Variants in POLK observed in about 807,000 individuals in gnomAD.
POLK encodes the protein DNA polymerase kappa, also known as polymerase (DNA directed) kappa.
In POLK, 76 loss-of-function variants were observed where a neutral mutation model predicts 94.0. The ratio of observed to expected loss-of-function variants is 0.81; its 90% CI spans 0.67 to 0.98. The LOEUF (loss-of-function observed/expected upper bound fraction) is 0.98, where lower values mean the gene tolerates loss of function less well. POLK is among the 50% of genes least tolerant of loss of function. The pLI is 0.00. For missense variants in POLK, 954 were observed against 1,010.1 expected, an observed-to-expected ratio of 0.94 and a Z score of 0.75; for synonymous variants, 349 against 325.4, an observed-to-expected ratio of 1.07 and a Z score of -0.78.
chr5:75,563,083 A>G (rs985585770), intron 3 of POLK, among the ~76,000 whole-genome samples: 3 of 152,132 alleles, frequency 2.0e-5, no homozygotes, highest in African/African-American at 7.2e-5. Context: ...TTTAGAAGGA[A>G]TGGTACCAGC....
chr5:75,559,523 GTTTTTTTTTT>G (rs775525619), intron 3 of POLK, among the ~76,000 whole-genome samples: 2 of 54,678 alleles, frequency 3.7e-5, no homozygotes, highest in African/African-American at 1.5e-4. Context: ...GTTTTGTTTT[GTTTTTTTTTT>G]TTTTTTTTTT....
At chr5:75,576,804 G>T (rs759635845) in exon 6 of POLK, 2 of 1,518,874 alleles carry the variant, frequency 1.3e-6, no homozygotes, top group Non-Finnish European at 8.8e-7. Flanking sequence ...TGCTGATTAT[G>T]ATCCCAATTT....
intron 3 of POLK, among the ~76,000 whole-genome samples, chr5:75,563,622 G>T (rs1425979690): frequency 6.6e-6 from 1 of 152,142 alleles, no homozygotes; most frequent in Non-Finnish European, 1.5e-5. Context: ...TGATTTCAAA[G>T]AACTTACTTA....
chr5:75,585,378 C>T lies in POLK; in HGVS notation c.1226+452C>T, dbSNP rs1041432194. Among the ~76,000 whole-genome samples the T allele has an allele frequency of 2.0e-5, 3 of 152,316 alleles. No homozygotes were observed. In the South Asian group the frequency reaches 6.2e-4, roughly 32 times the overall value. Reference sequence around the variant, plus strand: ...ACTTTACTTTGTGTTAGGCACTATTCTAGGCACTGTAGATAACAGCAGCGA... The same window carrying T: ...ACTTTACTTTGTGTTAGGCACTATTTTAGGCACTGTAGATAACAGCAGCGA... On this transcript the variant is annotated intron_variant, in intron 9 of 14. Coordinates refer to ENST00000241436, the Ensembl canonical transcript of POLK.
Position 75,552,600 on chromosome 5 carries a change from T to C in POLK, c.255+9T>C. On this transcript the variant is annotated intron_variant, in intron 3 of 14. Transcript: ENST00000241436. ...GAAAAGCACAATTACAGGTATTAAT[T>C]AAATTGTTAAATAAAGTGGAAGCTG... The C allele has an allele frequency of 6.3e-7, 1 of 1,592,072 alleles. No homozygotes were observed. Among genetic ancestry groups the C allele is most frequent in the Non-Finnish European group, 8.5e-7 (1 of 1,171,280 alleles).
rs112096843 is a variant in POLK, at chr5:75,515,433, G to A, written c.-14+3519G>A. ...CTCCCAAAGTGTTGAGATTTGATGT[G>A]AGCCAACATGCCAGGCCCAATATTC... is the stretch of plus-strand genomic sequence containing the variant. On this transcript the variant is annotated intron_variant, in intron 1 of 14. Transcript: ENST00000241436. Among the ~76,000 whole-genome samples, 400 of 152,218 alleles carry A rather than the reference G, an allele frequency of 2.6e-3. 3 individuals are homozygous for A. Among genetic ancestry groups the A allele is most frequent in the African/African-American group, 9.1e-3 (378 of 41,548 alleles).
chr5:75,594,915 A>G (rs1038431787), intron 12 of POLK, among the ~76,000 whole-genome samples: 2 of 152,186 alleles, frequency 1.3e-5, no homozygotes, highest in Non-Finnish European at 2.9e-5. Context: ...TTTATTTATG[A>G]AAGATATAGC....
chr5:75,561,584 G>A (rs1055871907), intron 3 of POLK, among the ~76,000 whole-genome samples: 6 of 152,170 alleles, frequency 3.9e-5, no homozygotes, highest in African/African-American at 1.2e-4. Context: ...CTTTGCCCAT[G>A]CCTGTGTCCT....
chr5:75,511,671 C>A, upstream of POLK: 1 of 1,523,538 alleles, frequency 6.6e-7, no homozygotes, highest in South Asian at 1.3e-5. Flanking sequence ...TTCGTCCTCC[C>A]ATTCTCCCCC....
chr5:75,573,691 C>T, intron 4 of POLK, 47 bp from the exon 5 acceptor site: 1 of 1,488,266 alleles, frequency 6.7e-7, no homozygotes, highest in Non-Finnish European at 9.4e-7. Context: ...ATCAATATGT[C>T]CATTTAGGTT....
At chr5:75,593,062 C>T (rs1772874088) in intron 11 of POLK, among the ~76,000 whole-genome samples, 1 of 151,966 alleles carries the variant, frequency 6.6e-6, no homozygotes, top group South Asian at 2.1e-4. Flanking sequence ...ATCTCAAAAA[C>T]AAAATAAAAT....
rs1769886801 is a variant in POLK, at chr5:75,544,104, T to C, written c.-13-2906T>C. On this transcript the variant is annotated intron_variant, in intron 1 of 14. Transcript: ENST00000241436. ...CTCCTGCCTTGGCCTCACAAAGTGC[T>C]AAGATTACAGCCATGAGATGCTGCA... Among the ~76,000 whole-genome samples the C allele has an allele frequency of 2.6e-5, 4 of 152,358 alleles. No homozygotes were observed. In the South Asian group the frequency reaches 6.2e-4, roughly 24 times the overall value.
intron 6 of POLK, among the ~76,000 whole-genome samples, chr5:75,578,989 T>G (rs1772058683): frequency 1.3e-5 from 2 of 152,212 alleles, no homozygotes; most frequent in South Asian, 4.1e-4. Flanking sequence ...AAGATGTTTC[T>G]GTCACAAAGC....
At chr5:75,528,685 C>G (rs368903387) in intron 1 of POLK, among the ~76,000 whole-genome samples, 1 of 151,964 alleles carries the variant, frequency 6.6e-6, no homozygotes, top group African/African-American at 2.4e-5. Context: ...GTGGCACATA[C>G]GTGTAGTCCT....
the POLK span, chr5:75,608,779 A>C: frequency 2.0e-5 from 3 of 152,254 alleles, no homozygotes; most frequent in Non-Finnish European, 4.4e-5. Context: ...AAAGGGAGGA[A>C]ATAGAAGCTG....
At chr5:75,527,694 C>A (rs542611857) in intron 1 of POLK, among the ~76,000 whole-genome samples, 51 of 151,848 alleles carry the variant, frequency 3.4e-4, no homozygotes, top group Non-Finnish European at 6.2e-4. Context: ...ATTTTTAATT[C>A]TTTTTATAAG....
upstream of POLK, chr5:75,511,278 C>A (rs548123904): frequency 1.6e-5 from 26 of 1,584,002 alleles, no homozygotes; most frequent in Non-Finnish European, 2.2e-5. Context: ...GCCCAGTCCT[C>A]GGGGTGAAGG....
chr5:75,532,459 T>C (rs921471975), intron 1 of POLK, among the ~76,000 whole-genome samples: 1 of 145,548 alleles, frequency 6.9e-6, no homozygotes, highest in South Asian at 2.1e-4. Flanking sequence ...TATGTACCAC[T>C]TTTTTTTTTT....
chr5:75,604,108 T>A (rs957777478), downstream of POLK, among the ~76,000 whole-genome samples: 1 of 152,248 alleles, frequency 6.6e-6, no homozygotes, highest in Non-Finnish European at 1.5e-5. Flanking sequence ...ACTATCTTAT[T>A]GTTTTTATCT....
Sources: gnomAD v4.1 joint callset for allele counts (sites outside exome capture counted in the v4.1 genomes callset) on GRCh38, gnomAD v4.1.1 for gene constraint, MANE v1.5 for transcripts, NCBI Gene and HGNC (gene_info 2026-07-23, HGNC 2026-07-21) for gene names.